Variants in RGS5 observed in about 807,000 individuals in gnomAD.
The protein encoded by RGS5 is regulator of G-protein signalling 5.
In RGS5, 20 loss-of-function variants were observed where a neutral mutation model predicts 18.9. That is an observed-to-expected ratio of 1.06 (90% CI 0.74 to 1.54). The LOEUF is 1.54. RGS5 is among the 40% of genes most tolerant of loss of function. The probability of loss-of-function intolerance (pLI) is 0.00; values close to 1 mark genes in which losing one functional copy is unlikely to be tolerated. For missense variants in RGS5, 201 were observed against 211.8 expected, an observed-to-expected ratio of 0.95 and a Z score of 0.32; for synonymous variants, 57 against 76.2, an observed-to-expected ratio of 0.75 and a Z score of 1.31.
chr1:163,205,230 T>C (rs138296503), upstream of RGS5, among the ~76,000 whole-genome samples: 913 of 150,526 alleles, frequency 6.1e-3, 10 homozygotes, highest in African/African-American at 0.021. Flanking sequence ...TTATGCAAAA[T>C]GAAAAATTTC....
intron 2 of RGS5, chr1:163,304,806 C>T (rs1050913654): frequency 1.3e-5 from 2 of 152,202 alleles, no homozygotes; most frequent in Non-Finnish European, 2.9e-5. Flanking sequence ...ACCAGGGCCA[C>T]ACATTGGGAA....
chr1:163,204,672 G>C (rs188580607), upstream of RGS5, among the ~76,000 whole-genome samples: 7 of 152,160 alleles, frequency 4.6e-5, no homozygotes, highest in Non-Finnish European at 7.4e-5. Context: ...TAAACAAACT[G>C]TCCAAGTTCC....
chr1:163,187,323 G>A (rs1475555125), intron 1 of RGS5, among the ~76,000 whole-genome samples: 1 of 152,262 alleles, frequency 6.6e-6, no homozygotes, highest in East Asian at 1.9e-4. Context: ...AATGGCTATG[G>A]CCCCCTAGTC....
At chr1:163,247,263 A>C (rs1647966901) in intron 2 of RGS5, among the ~76,000 whole-genome samples, 1 of 152,240 alleles carries the variant, frequency 6.6e-6, no homozygotes, top group Non-Finnish European at 1.5e-5. Context: ...TAATCACCTG[A>C]ATAATTATAA....
chr1:163,306,491 A>T (rs1321628683), intron 1 of RGS5, among the ~76,000 whole-genome samples: 1 of 152,226 alleles, frequency 6.6e-6, no homozygotes, highest in African/African-American at 2.4e-5. Flanking sequence ...GGTTTGAGCC[A>T]TCAGGCTATT....
chr1:163,310,092 G>A (rs1046213978), intron 1 of RGS5, among the ~76,000 whole-genome samples: 1 of 152,192 alleles, frequency 6.6e-6, no homozygotes, highest in Non-Finnish European at 1.5e-5. Context: ...TAGATGTGCT[G>A]TCATCAAGGA....
At chr1:163,260,189 A>C (rs1648392285) in intron 2 of RGS5, 1 of 152,216 alleles carries the variant, frequency 6.6e-6, no homozygotes, top group South Asian at 2.1e-4. Flanking sequence ...TTGGATTTGA[A>C]GTAATAAAAA....
chr1:163,314,557 C>A (rs1248648691), intron 1 of RGS5, among the ~76,000 whole-genome samples: 1 of 150,604 alleles, frequency 6.6e-6, no homozygotes, highest in Non-Finnish European at 1.5e-5. Flanking sequence ...ACAACAACAA[C>A]AACAACAAAA....
intron 2 of RGS5, among the ~76,000 whole-genome samples, chr1:163,246,577 A>G (rs1194423685): frequency 6.6e-6 from 1 of 152,198 alleles, no homozygotes; most frequent in Non-Finnish European, 1.5e-5. Flanking sequence ...TCTGAAAAAC[A>G]AAAAACAAAA....
chr1:163,240,087 C>T (rs774051597), intron 2 of RGS5, among the ~76,000 whole-genome samples: 6 of 151,442 alleles, frequency 4.0e-5, no homozygotes, highest in Admixed American at 1.3e-4. Flanking sequence ...AATACACCTG[C>T]CCTATGCCTC....
intron 2 of RGS5, among the ~76,000 whole-genome samples, chr1:163,249,517 G>A (rs911831702): frequency 1.3e-5 from 2 of 152,232 alleles, no homozygotes; most frequent in East Asian, 1.9e-4. Context: ...AAGGTCGGGC[G>A]CTGTGGCTCA....
chr1:163,240,565 A>C (rs1647762801), intron 2 of RGS5, among the ~76,000 whole-genome samples: 1 of 152,174 alleles, frequency 6.6e-6, no homozygotes, highest in African/African-American at 2.4e-5. Context: ...TCTCTCACCC[A>C]GGCTGCAGAG....
chr1:163,233,892 C>G (rs1260179468), intron 2 of RGS5, among the ~76,000 whole-genome samples: 1 of 152,166 alleles, frequency 6.6e-6, no homozygotes, highest in African/African-American at 2.4e-5. Context: ...GGGGCAGGAA[C>G]AGATCACAAT....
At chr1:163,195,132 A>G (rs1328852617) in intron 1 of RGS5, among the ~76,000 whole-genome samples, 1 of 152,192 alleles carries the variant, frequency 6.6e-6, no homozygotes, top group Non-Finnish European at 1.5e-5. Flanking sequence ...ACATATGCAC[A>G]CTTATGTTTA....
At chr1:163,302,789 A>G (rs1649586771) in intron 2 of RGS5, among the ~76,000 whole-genome samples, 1 of 152,012 alleles carries the variant, frequency 6.6e-6, no homozygotes, top group Admixed American at 6.6e-5. Flanking sequence ...CCCCTTCCTC[A>G]CACCAAATTC....
intron 2 of RGS5, among the ~76,000 whole-genome samples, chr1:163,258,647 G>C (rs1411189850): frequency 4.1e-5 from 3 of 72,390 alleles, no homozygotes; most frequent in Non-Finnish European, 8.9e-5. Context: ...AAGTGTGTCT[G>C]TGTGTGTGTG....
intron 2 of RGS5, among the ~76,000 whole-genome samples, chr1:163,269,203 A>G (rs913386717): frequency 2.0e-5 from 3 of 152,182 alleles, no homozygotes; most frequent in African/African-American, 7.2e-5. Context: ...AAATATTTAC[A>G]AGTGTACACA....
At chr1:163,312,980 C>T (rs568763318) in intron 1 of RGS5, among the ~76,000 whole-genome samples, 2 of 152,260 alleles carry the variant, frequency 1.3e-5, no homozygotes, top group African/African-American at 4.8e-5. Context: ...AGCTAATCAC[C>T]TGCATGGTTT....
At chr1:163,249,047 A>C (rs1164421783) in intron 2 of RGS5, among the ~76,000 whole-genome samples, 4 of 152,160 alleles carry the variant, frequency 2.6e-5, no homozygotes, top group African/African-American at 9.7e-5. Context: ...CTACAAGAGA[A>C]ATGTGCTCAT....
Sources: allele counts gnomAD v4.1 joint callset (sites outside exome capture counted in the v4.1 genomes callset), GRCh38; gene constraint gnomAD v4.1.1; transcripts MANE v1.5; gene names NCBI Gene and HGNC (gene_info 2026-07-23, HGNC 2026-07-21).